Variants in SSH1 observed in about 807,000 individuals in gnomAD.
SSH1 encodes protein phosphatase Slingshot homolog 1.
In SSH1, 43 loss-of-function variants were observed where a neutral mutation model predicts 79.7. The ratio of observed to expected loss-of-function variants is 0.54; its 90% CI spans 0.42 to 0.70. The LOEUF is 0.70. Ranked by LOEUF, SSH1 falls within the 30% of genes least tolerant of loss-of-function variation. The pLI is 0.00. For synonymous variants in SSH1, 599 were observed against 538.3 expected, an observed-to-expected ratio of 1.11 and a Z score of -1.56; for missense variants, 1,206 against 1,358.8, an observed-to-expected ratio of 0.89 and a Z score of 1.77.
chr12:108,844,318 T>C (rs1456428831), intron 2 of SSH1, among the ~76,000 whole-genome samples: 1 of 151,782 alleles, frequency 6.6e-6, no homozygotes, highest in Non-Finnish European at 1.5e-5. Flanking sequence ...AAGGCCAGCA[T>C]GTTCAAGGTG....
chr12:108,846,073 C>T (rs931603617), intron 2 of SSH1, among the ~76,000 whole-genome samples: 1 of 152,062 alleles, frequency 6.6e-6, no homozygotes, highest in Non-Finnish European at 1.5e-5. Context: ...AGAATGGGGT[C>T]CCTGGGGGAC....
intron 5 of SSH1, among the ~76,000 whole-genome samples, chr12:108,816,153 C>A (rs1192597942): frequency 6.6e-6 from 1 of 152,160 alleles, no homozygotes; most frequent in Non-Finnish European, 1.5e-5. Context: ...ACAGTCACCC[C>A]CTCCTGTGGT....
chr12:108,806,206 C>A, intron 9 of SSH1, 95 bp downstream of exon 9: 1 of 1,189,522 alleles, frequency 8.4e-7, no homozygotes, highest in East Asian at 2.3e-5. Context: ...GTAAAGACAA[C>A]CAGATGTTGG....
chr12:108,811,335 TG>T lies in SSH1; in HGVS notation c.402-8del, dbSNP rs2037583459. 6 of 1,614,102 alleles carry T rather than the reference TG, an allele frequency of 3.7e-6. No homozygotes were observed. ...CCCAATGGTGCAGCTTTTACTGCGATGGGGGAGAGAAGACATGTGGAGTCAG... is the reference window on the plus strand; with the variant it reads ...CCCAATGGTGCAGCTTTTACTGCGATGGGGAGAGAAGACATGTGGAGTCAG... On this transcript the variant is annotated splice_region_variant and splice_polypyrimidine_tract_variant and intron_variant, in intron 5 of 14. Transcript: ENST00000326495.
chr12:108,792,834 G>C lies in SSH1; in HGVS notation c.1350-5C>G. ...AGCTTGTTGTGCCGCTGTTTGCTGC[G>C]GGGAGAGAGGGTAGAGGAAGGTGAG... On this transcript the variant is annotated splice_region_variant and splice_polypyrimidine_tract_variant and intron_variant, in intron 13 of 14. Transcript: ENST00000326495. The C allele has an allele frequency of 5.0e-6, 8 of 1,613,104 alleles. No homozygotes were observed. The highest frequency in any genetic ancestry group is 2.2e-5 in the East Asian group (1 of 44,882).
chr12:108,853,956 G>C (rs1020603035), intron 1 of SSH1, among the ~76,000 whole-genome samples: 3 of 151,206 alleles, frequency 2.0e-5, no homozygotes, highest in African/African-American at 7.3e-5. Context: ...CAGAGGGCCT[G>C]GGAGTCCCTA....
chr12:108,822,283 G>A (rs375535094), intron 3 of SSH1, among the ~76,000 whole-genome samples: 4 of 151,876 alleles, frequency 2.6e-5, no homozygotes, highest in African/African-American at 4.8e-5. Flanking sequence ...ACAGGCATGC[G>A]CCACCACGCC....
intron 6 of SSH1, among the ~76,000 whole-genome samples, chr12:108,810,283 AGGCC>A (rs2037513729): frequency 6.6e-6 from 1 of 152,062 alleles, no homozygotes; most frequent in Non-Finnish European, 1.5e-5. Context: ...GCACTTTGGG[AGGCC>A]GAGGAGGGTG....
Position 108,785,056 on chromosome 12 carries a change from T to A in SSH1, c.*2932A>T, listed in dbSNP as rs766326130. 2.0e-5 allele frequency: 3 copies of A among 152,232 alleles called. No individual in the cohort carries two copies. Among genetic ancestry groups the A allele is most frequent in the Non-Finnish European group, 4.4e-5 (3 of 68,038 alleles). The allele number at this position is 152,232 out of a possible 1,614,324, so 9.4% of individuals were successfully genotyped here. On this transcript the variant is annotated 3_prime_UTR_variant, in exon 15 of 15. Coordinates refer to ENST00000326495, the MANE Select transcript of SSH1 (RefSeq NM_018984.4). ...GCAAACTTCCTTTTCACAGACAGCA[T>A]GAATTCGTCTTTGCCCAGGTGTCCC...
In SSH1 at chr12:108,806,317, T is replaced by A; in HGVS notation, c.809A>T (p.Asn270Ile). 1 of 1,614,150 alleles carries A rather than the reference T, an allele frequency of 6.2e-7. No individual in the cohort carries two copies. Among genetic ancestry groups the A allele is most frequent in the Non-Finnish European group, 8.5e-7 (1 of 1,180,022 alleles). Residue 270 changes from asparagine (N) to isoleucine (I), a missense_variant, in exon 9 of 15, where the codon AAT becomes ATT. Around this residue, in one of 5 missense-constraint regions of SSH1, gnomAD observed 116 missense variants for 109.0 expected, o/e 1.06. Coordinates refer to ENST00000326495, the MANE Select transcript of SSH1 (RefSeq NM_018984.4). ...RSIMMSQDLE[N>I]VTSKEIRNEL... is the part of the protein sequence containing the mutation. ...TTGTCTTACCTCTTTGGAAGTCACA[T>A]TTTCTAGATCCTGGCTCATCATGAT...
intron 10 of SSH1, among the ~76,000 whole-genome samples, chr12:108,803,400 T>C (rs1255316538): frequency 6.6e-6 from 1 of 151,560 alleles, no homozygotes; most frequent in Non-Finnish European, 1.5e-5. Flanking sequence ...ATCACTTTCC[T>C]CTTAGGAAAT....
chr12:108,840,830 G>C (rs1020511165), intron 2 of SSH1, among the ~76,000 whole-genome samples: 6 of 152,210 alleles, frequency 3.9e-5, no homozygotes, highest in Non-Finnish European at 8.8e-5. Flanking sequence ...GAGGAGGTGA[G>C]TCCCAGCAGA....
chr12:108,793,887 C>T (rs1195490964), intron 13 of SSH1, among the ~76,000 whole-genome samples: 1 of 152,212 alleles, frequency 6.6e-6, no homozygotes, highest in Non-Finnish European at 1.5e-5. Flanking sequence ...ACATCCCAGC[C>T]AGCAGCTACT....
rs2036132891 is a variant in SSH1 at position 108,780,157 on chromosome 12, C to G, written c.*7831G>C. On this transcript the variant is annotated 3_prime_UTR_variant, in exon 15 of 15. Transcript: ENST00000326495. ...TCTCCTTTAGAAAGGGCTTCTTTAC[C>G]ATAAAGTGAATCCCCCTAAGTTCCA... The G allele has an allele frequency of 6.6e-6, 1 of 152,104 alleles. No homozygotes were observed. The highest frequency in any genetic ancestry group is 2.4e-5 in the African/African-American group (1 of 41,392). 9.4% of individuals were successfully genotyped at this position (152,104 alleles called of 1,614,324 possible). A position where few individuals can be genotyped will look rare whatever the true frequency, so the allele number is the denominator to read the frequency against.
intron 2 of SSH1, among the ~76,000 whole-genome samples, chr12:108,851,211 G>C (rs2039032214): frequency 6.6e-6 from 1 of 152,148 alleles, no homozygotes; most frequent in South Asian, 2.1e-4. Flanking sequence ...ATTCTTGCAG[G>C]CTAGTGTTTC....
rs932787054 is a variant in SSH1 at position 108,779,675 on chromosome 12, T to A, written c.*8313A>T. 1 of 152,112 alleles carries A rather than the reference T, an allele frequency of 6.6e-6. No homozygotes were observed. Among genetic ancestry groups the A allele is most frequent in the African/African-American group, 2.4e-5 (1 of 41,398 alleles). The allele number at this position is 152,112 out of a possible 1,614,324, so 9.4% of individuals were successfully genotyped here. A position where few individuals can be genotyped will look rare whatever the true frequency, so the allele number is the denominator to read the frequency against. ...AAAGGACTCTCCTCTACCTTTTTTT[T>A]TCTTTTTTTTGTTTTTTGAGACAGA... On this transcript the variant is annotated 3_prime_UTR_variant, in exon 15 of 15. Coordinates refer to ENST00000326495, the MANE Select transcript of SSH1 (RefSeq NM_018984.4).
chr12:108,847,533 G>A (rs2038925288), intron 2 of SSH1, among the ~76,000 whole-genome samples: 1 of 152,084 alleles, frequency 6.6e-6, no homozygotes, highest in Non-Finnish European at 1.5e-5. Context: ...ACGCAAACTC[G>A]GCTCACTGCA....
At chr12:108,802,686 G>GT (rs1266275214) in intron 10 of SSH1, among the ~76,000 whole-genome samples, 1 of 152,154 alleles carries the variant, frequency 6.6e-6, no homozygotes, top group Non-Finnish European at 1.5e-5. Flanking sequence ...CCAGTGGGGG[G>GT]GGGTCCTGTA....
chr12:108,802,132 T>C (rs1304589739), intron 11 of SSH1, among the ~76,000 whole-genome samples, 190 bp downstream of exon 11: 1 of 152,204 alleles, frequency 6.6e-6, no homozygotes, highest in Non-Finnish European at 1.5e-5. Flanking sequence ...CTAAACTCCA[T>C]GAATTATTCA....
Sources: allele counts gnomAD v4.1 joint callset (sites outside exome capture counted in the v4.1 genomes callset), GRCh38; gene constraint gnomAD v4.1.1; regional missense constraint gnomAD v4.1.1; transcripts MANE v1.5; gene names NCBI Gene and HGNC (gene_info 2026-07-23, HGNC 2026-07-21).